The following GRTP1 variants were observed in gnomAD, a reference collection of about 807,000 sequenced individuals.
GRTP1 encodes the protein growth hormone-regulated TBC protein 1.
Under a neutral mutation model 38.1 loss-of-function variants are expected in GRTP1, and 56 were observed. The observed-to-expected ratio is 1.47, with a 90% CI of 1.19 to 1.84. The LOEUF is 1.84. Ranked by LOEUF, GRTP1 falls within the 40% of genes most tolerant of loss-of-function variation. The pLI is 0.00. For missense variants in GRTP1, 506 were observed against 453.9 expected, an observed-to-expected ratio of 1.11 and a Z score of -1.04; for synonymous variants, 217 against 189.5, an observed-to-expected ratio of 1.14 and a Z score of -1.19.
At position 113,342,815 on chromosome 13, in the gene GRTP1, T is replaced by G. The variant is rs1182730510; in HGVS notation, c.562+2048A>C. 6.6e-6 allele frequency among the ~76,000 whole-genome samples: 1 copy of G among 152,212 alleles called. No homozygotes were observed. Among genetic ancestry groups the G allele is most frequent in the Non-Finnish European group, 1.5e-5 (1 of 68,038 alleles). Reference sequence around the variant, plus strand: ...TCCTAACAGTTTAGTTTTTGTACTTTCTTTTCTTTTTGAATCCAGACCTAT... The same window carrying G: ...TCCTAACAGTTTAGTTTTTGTACTTGCTTTTCTTTTTGAATCCAGACCTAT... On this transcript the variant is annotated intron_variant, in intron 5 of 7. Transcript: ENST00000375431. The surrounding 1 kb of genome is among the most constrained non-coding windows in gnomAD (Gnocchi z 4.5).
At chr13:113,327,596 TACTA>T (rs1279341939) in intron 5 of GRTP1, among the ~76,000 whole-genome samples, 3 of 152,318 alleles carry the variant, frequency 2.0e-5, no homozygotes, top group Non-Finnish European at 2.9e-5. Context: ...TAATAGTAAA[TACTA>T]ACGCCTCTGA....
intron 5 of GRTP1, among the ~76,000 whole-genome samples, chr13:113,333,825 T>TATTTAATTA (rs1555314832): frequency 8.3e-4 from 92 of 110,428 alleles, no homozygotes; most frequent in African/African-American, 3.0e-3. Context: ...TTTATTTATT[T>TATTTAATTA]ATTTATTTAT....
rs10534935 is a variant in GRTP1 at position 113,338,908 on chromosome 13, A to AT, written c.562+5954dup. Among the ~76,000 whole-genome samples, 132 of 93,592 alleles carry AT rather than the reference A, an allele frequency of 1.4e-3. 1 individual carries two copies. Among genetic ancestry groups the AT allele is most frequent in the African/African-American group, 4.2e-3 (118 of 28,318 alleles). The allele number at this position is 93,592 out of a possible 152,430, so 61.4% of individuals were successfully genotyped here. A position where few individuals can be genotyped will look rare whatever the true frequency, so the allele number is the denominator to read the frequency against. On this transcript the variant is annotated intron_variant, in intron 5 of 7. Transcript: ENST00000375431. ...CTGAGCTGTTTCTTTTTCTGCTTAG[A>AT]TTTTTTTTTTTTTTTTTTTTTTGAG...
At chr13:113,353,839 G>A (rs2043330798) in intron 3 of GRTP1, among the ~76,000 whole-genome samples, 1 of 152,332 alleles carries the variant, frequency 6.6e-6, no homozygotes, top group South Asian at 2.1e-4. Flanking sequence ...GGAGGTGAAG[G>A]AGGGCGAATC....
Position 113,363,959 on chromosome 13 carries a change from G to A in GRTP1, c.33-49C>T, listed in dbSNP as rs765310618. On this transcript the variant is annotated intron_variant, in intron 1 of 7. Transcript: ENST00000375431. The stretch of plus-strand genomic sequence containing the variant: ...CGGCGTCCCCGAAGTTTCCTCTGGG[G>A]GGTCGCGGGCCCGCGCGGGGACCGC... The A allele has an allele frequency of 3.0e-5, 47 of 1,580,380 alleles. No homozygotes were observed. The East Asian group carries it at 6.3e-4, about 21-fold the overall frequency.
Position 113,349,099 on chromosome 13 carries a change from T to G in GRTP1, c.465+1750A>C, listed in dbSNP as rs539604683. On this transcript the variant is annotated intron_variant, in intron 4 of 7. Transcript: ENST00000375431. This position sits in a 1 kb window ranked among gnomAD's most constrained non-coding sequence, Gnocchi z 5.0. The stretch of plus-strand genomic sequence containing the variant: ...ATTGCCCAGGCTGGTCTTGAACTCT[T>G]GGCCTCAAGCAAACAATCCTCCTGC... Among the ~76,000 whole-genome samples the G allele has an allele frequency of 6.6e-6, 1 of 152,046 alleles. No homozygotes were observed. Among genetic ancestry groups the G allele is most frequent in the South Asian group, 2.1e-4 (1 of 4,780 alleles).
Position 113,325,965 on chromosome 13 carries a change from A to G in GRTP1, c.689T>C (p.Val230Ala), listed in dbSNP as rs2042759921. The change falls in exon 6 of 8, where the codon GTG becomes GCG. Residue 230 changes from valine to alanine, a missense_variant. By Grantham distance (64) the Val-to-Ala change is moderately conservative (BLOSUM62 0). Transcript: ENST00000375431. ...ERLGVLWTLL[V>A]SRWFICLFVD... is the part of the protein sequence containing the mutation. ...AAACAGGCAGATGAACCAGCGGGAC[A>G]CCAGCAGCGTCCACAGCACACCGAG... 6.2e-7 allele frequency: 1 copy of G among 1,613,806 alleles called. No homozygotes were observed. The highest frequency in any genetic ancestry group is 8.5e-7 in the Non-Finnish European group (1 of 1,179,932).
chr13:113,325,173 G>A (rs534604788), intron 7 of GRTP1: 18 of 1,051,346 alleles, frequency 1.7e-5, no homozygotes, highest in Admixed American at 1.5e-4. Flanking sequence ...CTGAAATACC[G>A]CCCACGTTTG....
Position 113,346,115 on chromosome 13 carries a change from C to T in GRTP1, c.466-1156G>A, listed in dbSNP as rs1434139277. ...AGACATCTGTGGCCGAGAACAGACC[C>T]GGGAGGACCTCTGTGGACAAGAGCA... On this transcript the variant is annotated intron_variant, in intron 4 of 7. Transcript: ENST00000375431. 1.1e-4 allele frequency among the ~76,000 whole-genome samples: 14 copies of T among 124,656 alleles called. 1 individual carries two copies. The highest frequency in any genetic ancestry group is 2.7e-4 in the South Asian group (1 of 3,652). 81.8% of individuals were successfully genotyped at this position (124,656 alleles called of 152,430 possible).
In GRTP1 at chr13:113,355,673, ACAGAGCACAAAC is replaced by A. The variant is rs2043373037; in HGVS notation, c.182-204_182-193del. The A allele has an allele frequency of 1.1e-5, 6 of 560,550 alleles. No individual in the cohort carries two copies. The Admixed American group carries it at 1.8e-4, about 17-fold the overall frequency. 34.7% of individuals were successfully genotyped at this position (560,550 alleles called of 1,614,324 possible). ...AAATTCTGCTCTCCTCTCCCTCTCA[ACAGAGCACAAAC>A]CAGACTGGCTACAGAACCGCCCCCA... On this transcript the variant is annotated intron_variant, in intron 2 of 7. Transcript: ENST00000375431.
chr13:113,335,024 G>A (rs1177920519), intron 5 of GRTP1, among the ~76,000 whole-genome samples: 1 of 151,730 alleles, frequency 6.6e-6, no homozygotes, highest in Non-Finnish European at 1.5e-5. Flanking sequence ...GGGTTTCACT[G>A]TGTTAGCCAG....
At position 113,324,499 on chromosome 13, in the gene GRTP1, C is replaced by T; in HGVS notation, c.1000G>A (p.Ala334Thr). Residue 334 changes from alanine (A) to threonine (T), a missense_variant, in exon 8 of 8, where the codon GCA becomes ACA. Physicochemically the swap from Ala to Thr is moderately conservative, Grantham distance 58. Transcript: ENST00000375431. ...GGGGACAGGCACGCTCACCCCTGTG[C>T]CAGCAGCCGGGCCCTGCAGCTCTCG... Reference protein sequence around the residue: ...LRESCRARLLAQG With the variant: ...LRESCRARLLTQG 6.2e-7 allele frequency: 1 copy of T among 1,609,626 alleles called. No homozygotes were observed. The highest frequency in any genetic ancestry group is 8.5e-7 in the Non-Finnish European group (1 of 1,178,282).
rs568070580 is a variant in GRTP1 at position 113,348,948 on chromosome 13, A to G, written c.465+1901T>C. ...GCCCACAGCAAGCTAACAGGTGCACATCTCCGCACACACATGTACGTATGT... is the reference window on the plus strand; with the variant it reads ...GCCCACAGCAAGCTAACAGGTGCACGTCTCCGCACACACATGTACGTATGT... On this transcript the variant is annotated intron_variant, in intron 4 of 7. Coordinates refer to ENST00000375431, the MANE Select transcript of GRTP1 (RefSeq NM_024719.4). This position sits in a 1 kb window ranked among gnomAD's most constrained non-coding sequence, Gnocchi z 4.8. 2.6e-5 allele frequency among the ~76,000 whole-genome samples: 4 copies of G among 152,262 alleles called. No homozygotes were observed. Among genetic ancestry groups the G allele is most frequent in the African/African-American group, 9.6e-5 (4 of 41,510 alleles).
intron 4 of GRTP1, among the ~76,000 whole-genome samples, chr13:113,350,161 C>T (rs1184216347): frequency 6.6e-6 from 1 of 152,114 alleles, no homozygotes; most frequent in East Asian, 1.9e-4. Context: ...CAGCGACAGG[C>T]CCAGGCAGGA....
rs562354139 is a variant in GRTP1, at chr13:113,349,947, C to G, written c.465+902G>C. 2.6e-4 allele frequency among the ~76,000 whole-genome samples: 39 copies of G among 152,290 alleles called. No homozygotes were observed. Among genetic ancestry groups the G allele is most frequent in the Admixed American group, 9.2e-4 (14 of 15,300 alleles). Reference sequence around the variant, plus strand: ...GAAACGTTTAAGCCAGCCACAACCCCTAGGAGCCCGTGAAGCACATGGCCT... The same window carrying G: ...GAAACGTTTAAGCCAGCCACAACCCGTAGGAGCCCGTGAAGCACATGGCCT... On this transcript the variant is annotated intron_variant, in intron 4 of 7. Coordinates refer to ENST00000375431, the MANE Select transcript of GRTP1 (RefSeq NM_024719.4). The surrounding 1 kb of genome is among the most constrained non-coding windows in gnomAD (Gnocchi z 5.0).
At position 113,349,616 on chromosome 13, in the gene GRTP1, CCA is replaced by C. The variant is rs771545860; in HGVS notation, c.465+1231_465+1232del. Among the ~76,000 whole-genome samples the C allele has an allele frequency of 3.3e-5, 5 of 152,340 alleles. No individual in the cohort carries two copies. Among genetic ancestry groups the C allele is most frequent in the East Asian group, 3.9e-4 (2 of 5,184 alleles). On this transcript the variant is annotated intron_variant, in intron 4 of 7. Coordinates refer to ENST00000375431, the MANE Select transcript of GRTP1 (RefSeq NM_024719.4). The surrounding 1 kb of genome is among the most constrained non-coding windows in gnomAD (Gnocchi z 5.0). ...ACGGCACTGCCAGCCAGCTACAGAGCCACACACGCACAGCACGTGGAACAGCT... is the reference window on the plus strand; with the variant it reads ...ACGGCACTGCCAGCCAGCTACAGAGCCACACGCACAGCACGTGGAACAGCT...
intron 5 of GRTP1, among the ~76,000 whole-genome samples, chr13:113,330,297 G>T (rs2042843081): frequency 1.7e-5 from 2 of 116,226 alleles, no homozygotes; most frequent in South Asian, 3.2e-4. Flanking sequence ...GGAAACTCAG[G>T]TGCGTGCATG....
chr13:113,335,158 G>T (rs1019149091), intron 5 of GRTP1, among the ~76,000 whole-genome samples: 2 of 151,986 alleles, frequency 1.3e-5, no homozygotes, highest in African/African-American at 4.8e-5. Context: ...GTTTTATAAT[G>T]CTAAAAAGGT....
chr13:113,361,011 G>A (rs938816906), intron 2 of GRTP1, among the ~76,000 whole-genome samples: 1 of 151,212 alleles, frequency 6.6e-6, no homozygotes, highest in East Asian at 1.9e-4. Context: ...TCAGGAGGCT[G>A]AGGCAGGAGA....
Sources: allele counts gnomAD v4.1 joint callset (sites outside exome capture counted in the v4.1 genomes callset), GRCh38; gene constraint gnomAD v4.1.1; non-coding constraint Gnocchi (gnomAD v3.1); transcripts MANE v1.5; gene names NCBI Gene and HGNC (gene_info 2026-07-23, HGNC 2026-07-21).